FTO: variants seen among roughly 807,000 people sequenced by gnomAD.
The protein encoded by FTO is FTO alpha-ketoglutarate dependent dioxygenase.
A neutral mutation model predicts 63.9 loss-of-function variants in FTO; 47 were observed. The ratio of observed to expected loss-of-function variants is 0.74; its 90% CI spans 0.58 to 0.94. The LOEUF is 0.94. FTO is among the 40% of genes least tolerant of loss of function. The pLI is 0.00. For synonymous variants in FTO, 207 were observed against 224.4 expected (o/e 0.92, Z 0.69); for missense variants, 562 against 618.1 (o/e 0.91, Z 0.96).
At chr16:54,090,685 A>G (rs1277510654) in intron 8 of FTO, among the ~76,000 whole-genome samples, 1 of 152,174 alleles carries the variant, frequency 6.6e-6, no homozygotes, top group Non-Finnish European at 1.5e-5. Context: ...GTAACAAATC[A>G]CCCCGAAATG....
At chr16:53,803,861 A>G (rs1417290243) in intron 1 of FTO, among the ~76,000 whole-genome samples, 4 of 152,272 alleles carry the variant, frequency 2.6e-5, no homozygotes, top group Non-Finnish European at 1.5e-5. Context: ...AAGTTTTTAT[A>G]CATTTCTCCT....
chr16:54,090,661 T>A (rs992125348), intron 8 of FTO, among the ~76,000 whole-genome samples: 23 of 152,172 alleles, frequency 1.5e-4, no homozygotes, highest in Non-Finnish European at 3.2e-4. Flanking sequence ...GCTATTTCAG[T>A]TATGCATTGC....
Position 54,114,733 on chromosome 16 carries a change from C to G in FTO, c.*2818C>G, listed in dbSNP as rs1418809042. On this transcript the variant is annotated 3_prime_UTR_variant, in exon 9 of 9. Transcript: ENST00000471389. ...CAGCCTGGCCAACACGGTGAAACCC[C>G]GTCTCTACTGAAAACACAAAAATTA... is the stretch of plus-strand genomic sequence containing the variant. 2 of 152,134 alleles carry G rather than the reference C, an allele frequency of 1.3e-5. No homozygotes were observed. Among genetic ancestry groups the G allele is most frequent in the Non-Finnish European group, 2.9e-5 (2 of 68,108 alleles). 9.4% of individuals were successfully genotyped at this position (152,134 alleles called of 1,614,324 possible).
At chr16:53,892,164 C>A (rs1024423828) in intron 7 of FTO, among the ~76,000 whole-genome samples, 13 of 151,944 alleles carry the variant, frequency 8.6e-5, no homozygotes, top group Admixed American at 7.2e-4. Context: ...TCGTTTAGTA[C>A]CATCTGGTAT....
In FTO at chr16:54,121,152, T is replaced by C. The variant is rs1199788326; in HGVS notation, c.*9237T>C. 6.6e-5 allele frequency: 10 copies of C among 152,214 alleles called. No individual in the cohort carries two copies. The highest frequency in any genetic ancestry group is 3.9e-4 in the East Asian group (2 of 5,178). 9.4% of individuals were successfully genotyped at this position (152,214 alleles called of 1,614,324 possible). A position where few individuals can be genotyped will look rare whatever the true frequency, so the allele number is the denominator to read the frequency against. On this transcript the variant is annotated 3_prime_UTR_variant, in exon 9 of 9. Transcript: ENST00000471389. ...AGAGCTGAATAGTTGCAAAGGACCA[T>C]AGGGCTATCAAAGCCCCAAATAGTC...
At chr16:54,091,596 G>T (rs541959710) in intron 8 of FTO, among the ~76,000 whole-genome samples, 23 of 152,324 alleles carry the variant, frequency 1.5e-4, no homozygotes, top group Middle Eastern at 6.8e-3. Flanking sequence ...GATACAGAAG[G>T]TAACTACCAT....
At chr16:53,778,103 C>G (rs534038052) in intron 1 of FTO, among the ~76,000 whole-genome samples, 1 of 152,150 alleles carries the variant, frequency 6.6e-6, no homozygotes. Flanking sequence ...TCACCAAGGA[C>G]ATGCTTAAGT....
At chr16:53,852,078 A>G (rs1055435474) in intron 4 of FTO, among the ~76,000 whole-genome samples, 13 of 141,982 alleles carry the variant, frequency 9.2e-5, no homozygotes, top group Admixed American at 1.5e-4. Context: ...CAACATGGCA[A>G]AACTCTGTCT....
chr16:53,788,985 T>C (rs1376698109), intron 1 of FTO, among the ~76,000 whole-genome samples: 2 of 152,344 alleles, frequency 1.3e-5, no homozygotes, highest in East Asian at 3.9e-4. Flanking sequence ...ATGAAAGCTT[T>C]CTTAAATTCT....
rs529871291 is a variant in FTO at position 53,717,827 on chromosome 16, A to G, written c.45+13598A>G. ...ACTTATCTTTTACGTACTGATTTGA[A>G]TGCTTAAATAATCAGATCTGCTTTT... On this transcript the variant is annotated intron_variant, in intron 1 of 8. Transcript: ENST00000471389. 2.0e-5 allele frequency among the ~76,000 whole-genome samples: 3 copies of G among 152,256 alleles called. No homozygotes were observed. The South Asian group carries it at 6.2e-4, about 32-fold the overall frequency.
At chr16:53,939,761 T>C (rs1228598730) in intron 8 of FTO, among the ~76,000 whole-genome samples, 1 of 152,262 alleles carries the variant, frequency 6.6e-6, no homozygotes, top group African/African-American at 2.4e-5. Context: ...ATACTGATTG[T>C]AGGATGCATC....
At chr16:53,800,610 A>G (rs1038738487) in intron 1 of FTO, among the ~76,000 whole-genome samples, 1 of 152,052 alleles carries the variant, frequency 6.6e-6, no homozygotes, top group Admixed American at 6.5e-5. Context: ...GGAATTACCT[A>G]TTTCTTTTTG....
intron 6 of FTO, among the ~76,000 whole-genome samples, chr16:53,883,718 T>C (rs1161972762): frequency 6.7e-6 from 1 of 149,998 alleles, no homozygotes; most frequent in Non-Finnish European, 1.5e-5. Context: ...GGGGCAGAGA[T>C]GTACTGTATC....
At chr16:54,001,920 G>A (rs56281622) in intron 8 of FTO, among the ~76,000 whole-genome samples, 22,842 of 152,124 alleles carry the variant, frequency 0.15, 2,259 homozygotes, top group Non-Finnish European at 0.22. Flanking sequence ...CCAGCCTCTC[G>A]TTCAAACTGT....
chr16:53,798,777 A>G (rs1427836039), intron 1 of FTO, among the ~76,000 whole-genome samples: 1 of 152,192 alleles, frequency 6.6e-6, no homozygotes, highest in African/African-American at 2.4e-5. Context: ...TGCACGGGCT[A>G]GAACCTTCAG....
chr16:54,000,335 G>C (rs2084038363), intron 8 of FTO, among the ~76,000 whole-genome samples: 1 of 152,192 alleles, frequency 6.6e-6, no homozygotes, highest in Non-Finnish European at 1.5e-5. Flanking sequence ...CAGGAGAGTT[G>C]AAATAGAGAA....
At chr16:53,801,062 C>T (rs1160084999) in intron 1 of FTO, among the ~76,000 whole-genome samples, 1 of 152,032 alleles carries the variant, frequency 6.6e-6, no homozygotes, top group Non-Finnish European at 1.5e-5. Context: ...GACAGTTTCT[C>T]CCCTTTAATT....
At chr16:53,811,342 C>A (rs1300281684) in intron 2 of FTO, among the ~76,000 whole-genome samples, 1 of 152,158 alleles carries the variant, frequency 6.6e-6, no homozygotes, top group Non-Finnish European at 1.5e-5. Flanking sequence ...GTCACAGCAT[C>A]TTTGTATCTC....
chr16:53,871,438 T>A (rs1385520275), intron 4 of FTO, among the ~76,000 whole-genome samples: 1 of 152,210 alleles, frequency 6.6e-6, no homozygotes, highest in Non-Finnish European at 1.5e-5. Flanking sequence ...AAATTGCTGT[T>A]CATCTCACTT....
Sources: allele counts gnomAD v4.1 joint callset (sites outside exome capture counted in the v4.1 genomes callset), GRCh38; gene constraint gnomAD v4.1.1; transcripts MANE v1.5; gene names NCBI Gene and HGNC (gene_info 2026-07-23, HGNC 2026-07-21).